The following CPEB3 variants were observed in gnomAD, a reference collection of about 807,000 sequenced individuals.
The protein encoded by CPEB3 is cytoplasmic polyadenylation element binding protein 3.
Under a neutral mutation model 67.2 loss-of-function variants are expected in CPEB3, and 20 were observed. That is an observed-to-expected ratio of 0.30 (90% CI 0.21 to 0.43). The LOEUF is 0.43. Ranked by LOEUF, CPEB3 falls within the 20% of genes least tolerant of loss-of-function variation. CPEB3 has a pLI of 1.00. For synonymous variants in CPEB3, 376 were observed against 393.1 expected (o/e 0.96, Z 0.51); for missense variants, 746 against 968.6 (o/e 0.77, Z 3.05).
intron 9 of CPEB3, among the ~76,000 whole-genome samples, chr10:92,062,897 C>G (rs1436987831): frequency 1.3e-5 from 2 of 152,186 alleles, no homozygotes; most frequent in African/African-American, 4.8e-5. Flanking sequence ...TTCAAAGGGC[C>G]TTGCAGGCAA....
At chr10:92,289,718 C>CAA (rs749285662) in intron 1 of CPEB3, among the ~76,000 whole-genome samples, 658 of 30,936 alleles carry the variant, frequency 0.021, 64 homozygotes, top group South Asian at 0.038. Flanking sequence ...GCGTCTCTAC[C>CAA]AAAAAAAAAA....
At chr10:92,083,065 G>A (rs1294022153) in intron 8 of CPEB3, among the ~76,000 whole-genome samples, 2 of 152,178 alleles carry the variant, frequency 1.3e-5, no homozygotes, top group African/African-American at 4.8e-5. Context: ...TGAAACTGCT[G>A]AGGCAGTAAG....
Position 92,240,370 on chromosome 10 carries a change from G to A in CPEB3, c.-11-9C>T. The A allele has an allele frequency of 1.4e-6, 2 of 1,438,132 alleles. No individual in the cohort carries two copies. The highest frequency in any genetic ancestry group is 1.8e-6 in the Non-Finnish European group (2 of 1,091,248). 89.1% of individuals were successfully genotyped at this position (1,438,132 alleles called of 1,614,324 possible). ...CTGCATGGTTTGCGCAGCTGAAACG[G>A]GAAAAAAGAGAGACGCGTTATTGTC... is the stretch of plus-strand genomic sequence containing the variant. On this transcript the variant is annotated splice_polypyrimidine_tract_variant and intron_variant, in intron 1 of 9. Coordinates refer to ENST00000265997, the MANE Select transcript of CPEB3 (RefSeq NM_014912.5).
chr10:92,203,402 ATATATATGTATATGTATATATATACG>A (rs1255389642), intron 2 of CPEB3, among the ~76,000 whole-genome samples: 15 of 146,902 alleles, frequency 1.0e-4, no homozygotes, highest in East Asian at 3.9e-4. Context: ...ATATATACGT[ATATATATGTATATGTATATATATACG>A]TATATATGTA....
intron 6 of CPEB3, among the ~76,000 whole-genome samples, chr10:92,134,248 C>G (rs538191579): frequency 6.6e-5 from 10 of 152,042 alleles, no homozygotes; most frequent in South Asian, 2.1e-4. Flanking sequence ...CAGATGACAT[C>G]ATTGTATATT....
intron 9 of CPEB3, among the ~76,000 whole-genome samples, chr10:92,057,017 G>A (rs1252317102): frequency 1.3e-5 from 2 of 152,192 alleles, no homozygotes; most frequent in Non-Finnish European, 2.9e-5. Context: ...CCCAGTCCTG[G>A]CAGCATTCAT....
chr10:92,081,798 T>G (rs184282286), intron 8 of CPEB3, among the ~76,000 whole-genome samples: 27 of 152,324 alleles, frequency 1.8e-4, no homozygotes, highest in Non-Finnish European at 1.2e-4. Flanking sequence ...CCTGTTCTAA[T>G]TTCTAATTGC....
In CPEB3 at chr10:92,250,249, G is replaced by A. The variant is rs780671581; in HGVS notation, c.-11-9888C>T. ...ACTACAGGCGCACTCCACCACACCC[G>A]GCTAATTTTTGTATTTTTAGTAGTG... On this transcript the variant is annotated intron_variant, in intron 1 of 9. Coordinates refer to ENST00000265997, the MANE Select transcript of CPEB3 (RefSeq NM_014912.5). Among the ~76,000 whole-genome samples the A allele has an allele frequency of 8.0e-4, 121 of 150,556 alleles. 1 individual carries two copies. Among genetic ancestry groups the A allele is most frequent in the Non-Finnish European group, 1.4e-3 (95 of 67,502 alleles).
chr10:92,138,576 G>A (rs1271697857), intron 6 of CPEB3, among the ~76,000 whole-genome samples: 1 of 150,178 alleles, frequency 6.7e-6, no homozygotes, highest in Non-Finnish European at 1.5e-5. Flanking sequence ...TATACAAATG[G>A]CAAACAGATA....
intron 1 of CPEB3, among the ~76,000 whole-genome samples, chr10:92,270,520 A>AG (rs1325514292): frequency 1.3e-5 from 2 of 151,816 alleles, no homozygotes; most frequent in East Asian, 3.9e-4. Context: ...TAGGTAAGCA[A>AG]GGGCAATACA....
chr10:92,190,036 T>C (rs570091860), intron 3 of CPEB3, among the ~76,000 whole-genome samples: 2 of 151,906 alleles, frequency 1.3e-5, no homozygotes, highest in South Asian at 4.2e-4. Flanking sequence ...CCCAGCACTT[T>C]AGGAGGCCAA....
chr10:92,116,076 G>T (rs1311380637), intron 6 of CPEB3, among the ~76,000 whole-genome samples: 1 of 151,002 alleles, frequency 6.6e-6, no homozygotes, highest in Admixed American at 6.6e-5. Context: ...TCAAACTTAG[G>T]AGAGTAGGAG....
At chr10:92,217,772 A>T (rs1850502177) in intron 2 of CPEB3, among the ~76,000 whole-genome samples, 1 of 152,194 alleles carries the variant, frequency 6.6e-6, no homozygotes, top group Admixed American at 6.6e-5. Context: ...CAAAAAAATA[A>T]TAAAAAAAAA....
chr10:92,259,777 C>T (rs111538486), intron 1 of CPEB3, among the ~76,000 whole-genome samples: 2 of 152,242 alleles, frequency 1.3e-5, no homozygotes, highest in African/African-American at 4.8e-5. Context: ...TAATATCTTG[C>T]ATAGAGCTTA....
chr10:92,172,623 C>T (rs1239766220), intron 4 of CPEB3, among the ~76,000 whole-genome samples: 2 of 152,180 alleles, frequency 1.3e-5, no homozygotes, highest in African/African-American at 2.4e-5. Flanking sequence ...ATGACATTAG[C>T]AACATGCTGA....
intron 6 of CPEB3, among the ~76,000 whole-genome samples, chr10:92,113,642 G>A (rs78698008): frequency 0.056 from 8,547 of 152,230 alleles, 718 homozygotes; most frequent in African/African-American, 0.19. Flanking sequence ...CTTGCCTCAA[G>A]AAGGCCTCCT....
intron 6 of CPEB3, among the ~76,000 whole-genome samples, chr10:92,114,604 T>C (rs779105849): frequency 1.4e-4 from 22 of 152,236 alleles, no homozygotes; most frequent in Non-Finnish European, 2.5e-4. Flanking sequence ...CTAAGTGCCT[T>C]GTGGACATTA....
chr10:92,098,180 A>G (rs1843981792), intron 7 of CPEB3, among the ~76,000 whole-genome samples: 2 of 149,678 alleles, frequency 1.3e-5, no homozygotes, highest in Non-Finnish European at 3.0e-5. Flanking sequence ...AAAAAAAAAA[A>G]AAAAAAAAAA....
intron 6 of CPEB3, among the ~76,000 whole-genome samples, chr10:92,128,694 G>C (rs766004036): frequency 3.9e-5 from 6 of 152,112 alleles, no homozygotes; most frequent in Non-Finnish European, 8.8e-5. Context: ...CAAAGGACAT[G>C]AACAGACACT....
Sources: gnomAD v4.1 joint callset for allele counts (sites outside exome capture counted in the v4.1 genomes callset) on GRCh38, gnomAD v4.1.1 for gene constraint, MANE v1.5 for transcripts, NCBI Gene and HGNC (gene_info 2026-07-23, HGNC 2026-07-21) for gene names.